Variants in CDK8 observed in about 807,000 individuals in gnomAD.
CDK8 encodes cyclin dependent kinase 8.
Under a neutral mutation model 71.5 loss-of-function variants are expected in CDK8, and 29 were observed. The ratio of observed to expected loss-of-function variants is 0.41; its 90% CI spans 0.30 to 0.55. The LOEUF is 0.55. Ranked by LOEUF, CDK8 falls within the 20% of genes least tolerant of loss-of-function variation. The probability of loss-of-function intolerance (pLI) is 0.37; values close to 1 mark genes in which losing one functional copy is unlikely to be tolerated. For missense variants in CDK8, 288 were observed against 572.6 expected (o/e 0.50, Z 5.07); for synonymous variants, 161 against 192.1 (o/e 0.84, Z 1.34).
chr13:26,275,702 G>T (rs1041684527), intron 1 of CDK8, among the ~76,000 whole-genome samples: 3 of 152,090 alleles, frequency 2.0e-5, no homozygotes, highest in Non-Finnish European at 4.4e-5. Flanking sequence ...AACCCACCAT[G>T]TATCTCAAAT....
chr13:26,313,965 G>A (rs368126314), intron 1 of CDK8, among the ~76,000 whole-genome samples: 11 of 152,288 alleles, frequency 7.2e-5, no homozygotes, highest in African/African-American at 2.6e-4. Flanking sequence ...CAAGTTTTGA[G>A]GGTCTAACAA....
intron 1 of CDK8, among the ~76,000 whole-genome samples, chr13:26,333,401 A>G (rs1355024082): frequency 1.3e-5 from 2 of 152,104 alleles, no homozygotes; most frequent in African/African-American, 4.8e-5. Context: ...TGGCCTCCCA[A>G]AGTGCTGGGA....
intron 1 of CDK8, among the ~76,000 whole-genome samples, chr13:26,268,249 C>G (rs1872122529): frequency 7.3e-6 from 1 of 136,706 alleles, no homozygotes; most frequent in East Asian, 2.2e-4. Flanking sequence ...TTGCTCCCCC[C>G]TCCCCCAACA....
intron 1 of CDK8, among the ~76,000 whole-genome samples, chr13:26,324,297 A>T (rs868536975): frequency 8.5e-5 from 13 of 152,166 alleles, no homozygotes; most frequent in African/African-American, 3.1e-4. Context: ...TATTTTTTCA[A>T]CAACTAGCAT....
At chr13:26,359,844 T>C in intron 4 of CDK8, 1 of 251,232 alleles carries the variant, frequency 4.0e-6, no homozygotes, top group South Asian at 3.5e-5. Context: ...GCCTCCCAAG[T>C]AGCTGGGATT....
intron 1 of CDK8, among the ~76,000 whole-genome samples, chr13:26,325,156 G>A (rs759455975): frequency 6.6e-5 from 10 of 152,186 alleles, no homozygotes; most frequent in Non-Finnish European, 1.2e-4. Flanking sequence ...GATTATAACA[G>A]TGCCAAGCAC....
intron 1 of CDK8, among the ~76,000 whole-genome samples, chr13:26,335,511 G>A (rs557379540): frequency 6.6e-6 from 1 of 152,046 alleles, no homozygotes; most frequent in South Asian, 2.1e-4. Context: ...TGTTTATTCT[G>A]CTTGCCAGCA....
chr13:26,298,896 A>G (rs941161744), intron 1 of CDK8, among the ~76,000 whole-genome samples: 5 of 152,160 alleles, frequency 3.3e-5, no homozygotes, highest in Admixed American at 2.6e-4. Flanking sequence ...GGTTCCATTC[A>G]GGATCTCTGA....
intron 1 of CDK8, among the ~76,000 whole-genome samples, chr13:26,318,133 C>T (rs1251987445): frequency 6.6e-6 from 1 of 151,844 alleles, no homozygotes; most frequent in Non-Finnish European, 1.5e-5. Context: ...AAAAGTAGTA[C>T]TTTTATTTAT....
intron 5 of CDK8, among the ~76,000 whole-genome samples, chr13:26,383,507 AT>A (rs377107517): frequency 4.6e-5 from 7 of 152,002 alleles, no homozygotes; most frequent in Admixed American, 2.6e-4. Flanking sequence ...ATTTAATCTG[AT>A]TTTTTTTCAT....
chr13:26,305,617 C>T (rs1036917204), intron 1 of CDK8, among the ~76,000 whole-genome samples: 3 of 151,794 alleles, frequency 2.0e-5, no homozygotes, highest in Non-Finnish European at 4.4e-5. Flanking sequence ...TTTATTGTTT[C>T]TTATCCTCTG....
intron 4 of CDK8, among the ~76,000 whole-genome samples, chr13:26,378,984 A>G (rs1412773923): frequency 2.0e-5 from 3 of 152,238 alleles, no homozygotes; most frequent in Admixed American, 1.3e-4. Context: ...ACAACAAAAC[A>G]GAACCCATGA....
intron 1 of CDK8, among the ~76,000 whole-genome samples, chr13:26,290,270 T>A (rs375877205): frequency 1.2e-4 from 19 of 152,370 alleles, no homozygotes; most frequent in East Asian, 1.2e-3. Context: ...GCTAATTCAC[T>A]TTTCAGAAAT....
At chr13:26,287,662 G>C (rs1161998697) in intron 1 of CDK8, among the ~76,000 whole-genome samples, 1 of 151,940 alleles carries the variant, frequency 6.6e-6, no homozygotes. Flanking sequence ...CTCAGAAATC[G>C]CCATTAAAGA....
At chr13:26,332,996 A>G (rs995867921) in intron 1 of CDK8, among the ~76,000 whole-genome samples, 3 of 152,068 alleles carry the variant, frequency 2.0e-5, no homozygotes, top group Non-Finnish European at 4.4e-5. Context: ...TCCACATCTG[A>G]TTTCATGTGA....
In CDK8 at chr13:26,353,764, T is replaced by G. The variant is rs1481900029; in HGVS notation, c.340T>G (p.Ser114Ala). The G allele has an allele frequency of 6.2e-7, 1 of 1,613,214 alleles. No homozygotes were observed. The highest frequency in any genetic ancestry group is 8.5e-7 in the Non-Finnish European group (1 of 1,179,468). The change falls in exon 4 of 13, where the codon TCT (serine) becomes GCT (alanine). Residue 114 changes from serine (S) to alanine (A), a missense_variant. Transcript: ENST00000381527. ...LWHIIKFHRA[S>A]KANKKPVQLP... ...GCATATAATCAAGTTTCACAGAGCT[T>G]CTAAAGCAAACAAGAAGCCAGTTCA...
intron 1 of CDK8, among the ~76,000 whole-genome samples, chr13:26,314,025 A>G (rs28372008): frequency 0.012 from 1,824 of 152,324 alleles, 15 homozygotes; most frequent in Middle Eastern, 0.031. Context: ...ATTTCTAAGC[A>G]TGGAAGCAGA....
chr13:26,308,573 G>T (rs1236235585), intron 1 of CDK8, among the ~76,000 whole-genome samples: 1 of 152,160 alleles, frequency 6.6e-6, no homozygotes, highest in Non-Finnish European at 1.5e-5. Context: ...CATAAGTTTT[G>T]GTCCCTGTTA....
At chr13:26,387,213 T>C (rs1354496146) in intron 6 of CDK8, among the ~76,000 whole-genome samples, 5 of 152,196 alleles carry the variant, frequency 3.3e-5, no homozygotes, top group Non-Finnish European at 7.3e-5. Context: ...CATTGCTGAT[T>C]TGTTTGTATT....
Sources: allele counts gnomAD v4.1 joint callset (sites outside exome capture counted in the v4.1 genomes callset), GRCh38; gene constraint gnomAD v4.1.1; transcripts MANE v1.5; gene names NCBI Gene and HGNC (gene_info 2026-07-23, HGNC 2026-07-21).